ALPK2: variants seen among roughly 807,000 people sequenced by gnomAD.
ALPK2 encodes alpha kinase 2.
ALPK2 carries 127 observed loss-of-function variants against 163.1 expected under a neutral mutation model. The observed-to-expected ratio is 0.78, with a 90% CI of 0.67 to 0.90. The LOEUF is 0.90. ALPK2 is among the 40% of genes least tolerant of loss of function. The pLI is 0.00. For synonymous variants in ALPK2, 953 were observed against 959.1 expected, an observed-to-expected ratio of 0.99 and a Z score of 0.12; for missense variants, 2,360 against 2,589.6, an observed-to-expected ratio of 0.91 and a Z score of 1.92.
At chr18:58,607,488 G>GAA (rs113295953) in intron 2 of ALPK2, 49 bp from the exon 3 acceptor site, 792 of 899,752 alleles carry the variant, frequency 8.8e-4, no homozygotes, top group South Asian at 1.9e-3. Flanking sequence ...GTATTTTTAG[G>GAA]AAAAAAAAAA....
chr18:58,514,870 C>T, intron 10 of ALPK2, 123 bp downstream of exon 10: 1 of 513,014 alleles, frequency 1.9e-6, no homozygotes, highest in Non-Finnish European at 3.4e-6. Flanking sequence ...TGTGAGCCCT[C>T]ATGGAGCTTA....
chr18:58,523,690 C>G, intron 8 of ALPK2, 116 bp downstream of exon 8: 1 of 1,316,344 alleles, frequency 7.6e-7, no homozygotes, highest in Non-Finnish European at 1.1e-6. Context: ...CGCCATAGCT[C>G]TCCTTCTCGG....
intron 4 of ALPK2, among the ~76,000 whole-genome samples, chr18:58,550,496 T>TCC (rs1348604449): frequency 1.1e-5 from 1 of 94,530 alleles, no homozygotes; most frequent in Admixed American, 1.2e-4. Flanking sequence ...TACCCCCATC[T>TCC]ATATCATATA....
chr18:58,524,190 G>A (rs2051572198), intron 6 of ALPK2, 128 bp from the exon 7 acceptor site: 1 of 1,298,752 alleles, frequency 7.7e-7, no homozygotes, highest in African/African-American at 1.5e-5. Context: ...GCTGCCCAAA[G>A]GGCAAAATCA....
In ALPK2 at chr18:58,579,227, C is replaced by T. The variant is rs1431431073; in HGVS notation, c.1549G>A (p.Asp517Asn). Residue 517 changes from aspartate (D) to asparagine (N), a missense_variant, in exon 4 of 13, where the codon GAC becomes AAC. Transcript: ENST00000361673. ...GMSQCWETAADKRVGGKDLWS... is the reference protein window; with the variant it reads ...GMSQCWETAANKRVGGKDLWS... The stretch of plus-strand genomic sequence containing the variant: ...AAGTCCTTTCCCCCCACTCTCTTGT[C>T]AGCTGCCGTCTCCCAACACTGGCTC... 1.2e-6 allele frequency: 2 copies of T among 1,613,986 alleles called. No individual in the cohort carries two copies. Among genetic ancestry groups the T allele is most frequent in the African/African-American group, 1.3e-5 (1 of 74,896 alleles).
chr18:58,570,563 A>G (rs564610449), intron 4 of ALPK2, among the ~76,000 whole-genome samples: 1 of 152,354 alleles, frequency 6.6e-6, no homozygotes, highest in African/African-American at 2.4e-5. Context: ...TTAGTGGGCT[A>G]TGGTGGCAGT....
chr18:58,489,343 G>C (rs1020030213), intron 12 of ALPK2, among the ~76,000 whole-genome samples: 1 of 152,192 alleles, frequency 6.6e-6, no homozygotes, highest in Non-Finnish European at 1.5e-5. Context: ...TCCCACAAGA[G>C]TCTTTGAAAT....
At chr18:58,528,419 C>A (rs531480949) in intron 6 of ALPK2, among the ~76,000 whole-genome samples, 2 of 152,080 alleles carry the variant, frequency 1.3e-5, no homozygotes, top group East Asian at 3.9e-4. Flanking sequence ...TCCAGTAATC[C>A]TAGGTACTCG....
chr18:58,556,396 G>A (rs971426243), intron 4 of ALPK2, among the ~76,000 whole-genome samples: 2 of 152,212 alleles, frequency 1.3e-5, no homozygotes, highest in Non-Finnish European at 2.9e-5. Flanking sequence ...TCAGCAGCCT[G>A]CATTCAAAGC....
rs1568071509 is a variant in ALPK2, at chr18:58,514,965, TGACACAA to T, written c.6029+21_6029+27del. On this transcript the variant is annotated intron_variant, in intron 10 of 12. Coordinates refer to ENST00000361673, the MANE Select transcript of ALPK2 (RefSeq NM_052947.4). ...CCTAGTCCCCAACGAGTCAGGAGTG[TGACACAA>T]GGCAGGGTAAACACACTTACTCAGG... The T allele has an allele frequency of 5.1e-6, 8 of 1,582,366 alleles. No individual in the cohort carries two copies. The Admixed American group carries it at 1.4e-4, about 27-fold the overall frequency.
chr18:58,532,628 T>C (rs2051622066), intron 5 of ALPK2, among the ~76,000 whole-genome samples: 1 of 152,236 alleles, frequency 6.6e-6, no homozygotes, highest in Non-Finnish European at 1.5e-5. Context: ...CTAAGCTCTC[T>C]ATTTATTTCA....
rs2051524830 is a variant in ALPK2 at position 58,516,949 on chromosome 18, T to C, written c.5899A>G (p.Asn1967Asp). The change falls in exon 9 of 13, where the codon AAT (asparagine) becomes GAT (aspartate). Residue 1967 changes from asparagine (N) to aspartate (D), a missense_variant. Physicochemically the swap from Asn to Asp is conservative, Grantham distance 23 (BLOSUM62 1). Transcript: ENST00000361673. ...TAGTTCCTTTGGATGAGCTCATCAT[T>C]ATTTCTGGTCCCATAGGCAATGGCA... ...HNAIAYGTRN[N>D]DELIQRNYKL... 1.2e-6 allele frequency: 2 copies of C among 1,614,028 alleles called. No individual in the cohort carries two copies. Among genetic ancestry groups the C allele is most frequent in the Non-Finnish European group, 1.7e-6 (2 of 1,180,012 alleles).
intron 2 of ALPK2, among the ~76,000 whole-genome samples, chr18:58,610,937 T>TA (rs1458472745): frequency 5.3e-5 from 8 of 151,828 alleles, no homozygotes; most frequent in African/African-American, 1.9e-4. Context: ...TCTACTAAAA[T>TA]ACAAAAATTA....
At chr18:58,540,207 G>A (rs902419564) in intron 4 of ALPK2, among the ~76,000 whole-genome samples, 6 of 152,188 alleles carry the variant, frequency 3.9e-5, no homozygotes, top group African/African-American at 7.2e-5. Flanking sequence ...ATAAATGAAT[G>A]AACCATGTAC....
intron 4 of ALPK2, among the ~76,000 whole-genome samples, chr18:58,563,295 C>T (rs1005934075): frequency 6.6e-6 from 1 of 152,186 alleles, no homozygotes; most frequent in Non-Finnish European, 1.5e-5. Flanking sequence ...CTTTTCGTCT[C>T]TTAAAGGATT....
At chr18:58,564,686 C>T (rs576420707) in intron 4 of ALPK2, among the ~76,000 whole-genome samples, 3 of 151,938 alleles carry the variant, frequency 2.0e-5, no homozygotes, top group South Asian at 2.1e-4. Flanking sequence ...CTCACTGCCT[C>T]GGAAATTAAC....
intron 4 of ALPK2, among the ~76,000 whole-genome samples, chr18:58,573,613 C>CTTTTTTTTTTTTTTTTTTTTTTTTT (rs778622176): frequency 1.9e-5 from 1 of 51,730 alleles, no homozygotes. Flanking sequence ...TTTTTGTCTT[C>CTTTTTTTTTTTTTTTTTTTTTTTTT]TTTTTTTTTT....
intron 4 of ALPK2, chr18:58,566,740 G>A (rs1015260613): frequency 2.0e-5 from 3 of 152,170 alleles, no homozygotes; most frequent in Admixed American, 2.0e-4. Context: ...CCCCAGACAG[G>A]TGAAGAACAA....
At chr18:58,530,771 T>C (rs2051609721) in intron 5 of ALPK2, among the ~76,000 whole-genome samples, 1 of 152,198 alleles carries the variant, frequency 6.6e-6, no homozygotes, top group East Asian at 1.9e-4. Flanking sequence ...AAAGTGCAGC[T>C]GAACGAGCTC....
Sources: gnomAD v4.1 joint callset for allele counts (sites outside exome capture counted in the v4.1 genomes callset) on GRCh38, gnomAD v4.1.1 for gene constraint, MANE v1.5 for transcripts, NCBI Gene and HGNC (gene_info 2026-07-23, HGNC 2026-07-21) for gene names.